Variants in WDPCP observed in about 807,000 individuals in gnomAD.
WDPCP encodes the protein WD repeat-containing and planar cell polarity effector protein fritz homolog.
In WDPCP, 71 loss-of-function variants were observed where a neutral mutation model predicts 93.1. The observed-to-expected ratio is 0.76, with a 90% confidence interval of 0.63 to 0.93. WDPCP has a LOEUF of 0.93. WDPCP is among the 40% of genes least tolerant of loss of function. WDPCP has a pLI of 0.00. For missense variants in WDPCP, 844 were observed against 887.4 expected (o/e 0.95, Z 0.62); for synonymous variants, 315 against 315.0 (o/e 1.00, Z 0.00).
intron 1 of WDPCP, among the ~76,000 whole-genome samples, chr2:63,510,208 C>G (rs1702142122): frequency 6.6e-6 from 1 of 152,186 alleles, no homozygotes; most frequent in African/African-American, 2.4e-5. Flanking sequence ...CCGAATCCAG[C>G]AGCACATTAA....
intron 3 of WDPCP, chr2:63,622,963 C>T (rs575985306): frequency 8.0e-6 from 6 of 750,150 alleles, no homozygotes; most frequent in South Asian, 1.8e-5. Flanking sequence ...CACCACCGCA[C>T]GGCGCCCAAG....
intron 2 of WDPCP, among the ~76,000 whole-genome samples, chr2:63,678,801 G>A (rs1002354502): frequency 7.2e-5 from 11 of 152,204 alleles, no homozygotes; most frequent in Admixed American, 1.3e-4. Context: ...GTGGCAAGTC[G>A]CTAGCTTCAT....
intron 2 of WDPCP, among the ~76,000 whole-genome samples, chr2:63,795,222 T>G (rs1250299503): frequency 6.6e-6 from 1 of 151,750 alleles, no homozygotes; most frequent in African/African-American, 2.4e-5. Flanking sequence ...AATTGTGGAG[T>G]TGGATGAGTG....
Position 63,484,613 on chromosome 2 carries a change from A to G in WDPCP, c.375T>C (p.Tyr125=), listed in dbSNP as rs1303422628. 4 of 1,612,796 alleles carry G rather than the reference A, an allele frequency of 2.5e-6. No individual in the cohort carries two copies. The highest frequency in any genetic ancestry group is 1.1e-5 in the South Asian group (1 of 91,064). The change falls in exon 6 of 18, where the codon TAT becomes TAC. Residue 125 remains tyrosine, a synonymous_variant. Transcript: ENST00000272321. ...RCVLSKWKNK[Y]VCQLLFGSGV... is the part of the protein sequence containing the mutation. ...TGTCAAATCATTTTACCTGACAGAC[A>G]TATTTGTTCTTCCATTTGCTCAGCA...
At chr2:63,138,781 G>A (rs1405324340) in intron 17 of WDPCP, among the ~76,000 whole-genome samples, 1 of 152,020 alleles carries the variant, frequency 6.6e-6, no homozygotes, top group Non-Finnish European at 1.5e-5. Context: ...GATGATTTGG[G>A]AGATTTTGGT....
chr2:63,804,268 T>G (rs1293921257), intron 2 of WDPCP, among the ~76,000 whole-genome samples: 3 of 151,134 alleles, frequency 2.0e-5, no homozygotes, highest in Non-Finnish European at 3.0e-5. Context: ...TTTTTTTTTT[T>G]GAGGCAGAGT....
Position 63,782,770 on chromosome 2 carries a change from GTGTGTGTT to G in WDPCP, n.308+30844_308+30851del, listed in dbSNP as rs1363844124. 3.3e-5 allele frequency among the ~76,000 whole-genome samples: 5 copies of G among 150,060 alleles called. No homozygotes were observed. In the East Asian group the frequency reaches 5.9e-4, roughly 18 times the overall value. ...TGTGTGTGTGTGTGTGTGTGTGTGT[GTGTGTGTT>G]TGTGTGTTTGTGTGTGTGTGTAATA... On this transcript the variant is annotated intron_variant and non_coding_transcript_variant, in intron 2 of 4. Coordinates refer to the WDPCP transcript ENST00000467687.
intron 14 of WDPCP, among the ~76,000 whole-genome samples, chr2:63,237,417 G>C (rs1438955695): frequency 2.0e-5 from 3 of 152,176 alleles, no homozygotes; most frequent in African/African-American, 7.2e-5. Context: ...GTAGAAAGCA[G>C]TTTGGAGATT....
At chr2:63,606,043 A>G in intron 3 of WDPCP, 2 of 1,601,094 alleles carry the variant, frequency 1.2e-6, no homozygotes, top group Non-Finnish European at 1.7e-6. Context: ...GGTATTTTGG[A>G]GCTATTTCCC....
chr2:63,441,053 C>G (rs1485605854), intron 6 of WDPCP: 1 of 152,096 alleles, frequency 6.6e-6, no homozygotes, highest in Non-Finnish European at 1.5e-5. Flanking sequence ...TGTTAGAACT[C>G]TTGTCCTAGT....
At chr2:63,529,370 T>C (rs1411704773) in intron 1 of WDPCP, among the ~76,000 whole-genome samples, 1 of 152,234 alleles carries the variant, frequency 6.6e-6, no homozygotes, top group African/African-American at 2.4e-5. Flanking sequence ...ATAGCTTTTA[T>C]TACTTTGAGA....
intron 13 of WDPCP, among the ~76,000 whole-genome samples, chr2:63,275,349 A>G (rs1683001221): frequency 1.3e-5 from 2 of 152,212 alleles, no homozygotes; most frequent in South Asian, 2.1e-4. Flanking sequence ...AATAGGCAAA[A>G]GCTGAAAGTA....
intron 14 of WDPCP, among the ~76,000 whole-genome samples, chr2:63,241,169 T>C (rs1679829529): frequency 6.6e-6 from 1 of 152,212 alleles, no homozygotes; most frequent in Non-Finnish European, 1.5e-5. Flanking sequence ...TCTTAAGATA[T>C]ACAAGTAATA....
At chr2:63,683,911 A>G (rs896374298) in intron 2 of WDPCP, among the ~76,000 whole-genome samples, 2 of 152,132 alleles carry the variant, frequency 1.3e-5, no homozygotes, top group Admixed American at 1.3e-4. Flanking sequence ...TTAATTCAGC[A>G]AGAGGATATA....
chr2:63,437,534 T>C lies in WDPCP; in HGVS notation c.520A>G (p.Ile174Val), dbSNP rs1426237499. The C allele has an allele frequency of 6.3e-7, 1 of 1,592,614 alleles. No homozygotes were observed. ...ISDALLTDSFIILSFLAQNKL... is the reference protein window; with the variant it reads ...ISDALLTDSFVILSFLAQNKL... ...TTTTGTGCCAAAAATGATAAGATGA[T>C]AAAACTGTCTGTGAGAAGAGCTAAA... The change falls in exon 8 of 18, where the codon ATC becomes GTC. Residue 174 changes from isoleucine (I) to valine (V), a missense_variant. Transcript: ENST00000272321.
chr2:63,461,441 C>T (rs1699001437), intron 6 of WDPCP, among the ~76,000 whole-genome samples: 2 of 152,158 alleles, frequency 1.3e-5, no homozygotes, highest in Non-Finnish European at 2.9e-5. Context: ...TGAAAGCTCC[C>T]TGAGGCTTCA....
intron 15 of WDPCP, among the ~76,000 whole-genome samples, chr2:63,169,671 T>G (rs1673236712): frequency 6.6e-6 from 1 of 152,186 alleles, no homozygotes; most frequent in South Asian, 2.1e-4. Flanking sequence ...TATTTTTTCT[T>G]TTTCAAGGAA....
In WDPCP at chr2:63,588,213, G is replaced by C. The variant is rs1435264991; in HGVS notation, c.59C>G (p.Ser20Cys). ...AGGGCTCACCTGTCTCGGGAGTGGG[G>C]AAGAAGCGCGACTCCCGGCCGCTTT... ...YSKAAGSRAS[S>C]PLPRQDRDSF... Residue 20 changes from serine (S) to cysteine (C), a missense_variant, in exon 1 of 18, where the codon TCC becomes TGC. By Grantham distance (112) the Ser-to-Cys change is moderately radical (BLOSUM62 -1). Transcript: ENST00000272321. 4 of 1,572,168 alleles carry C rather than the reference G, an allele frequency of 2.5e-6. No homozygotes were observed. In the South Asian group the frequency reaches 4.6e-5, roughly 18 times the overall value.
chr2:63,368,396 G>T (rs1003192733), intron 12 of WDPCP, among the ~76,000 whole-genome samples: 1 of 151,698 alleles, frequency 6.6e-6, no homozygotes, highest in African/African-American at 2.4e-5. Context: ...CACAATATCG[G>T]CTCACTGCAG....
Sources: allele counts gnomAD v4.1 joint callset (sites outside exome capture counted in the v4.1 genomes callset), GRCh38; gene constraint gnomAD v4.1.1; transcripts MANE v1.5; gene names NCBI Gene and HGNC (gene_info 2026-07-23, HGNC 2026-07-21).